The following SOX5 variants were observed in gnomAD, a reference collection of about 807,000 sequenced individuals.
SOX5 encodes transcription factor SOX-5.
In SOX5, 9 loss-of-function variants were observed where a neutral mutation model predicts 92.0. The ratio of observed to expected loss-of-function variants is 0.10; its 90% confidence interval spans 0.06 to 0.17. SOX5 has a LOEUF of 0.17. Among genes scored for constraint, SOX5 ranks in the 10% least tolerant of loss-of-function variants. The pLI, the probability that SOX5 is intolerant of heterozygous loss-of-function variation, is 1.00. For synonymous variants in SOX5, 344 were observed against 336.3 expected (o/e 1.02, Z -0.25); for missense variants, 642 against 944.5 (o/e 0.68, Z 4.20).
At chr12:23,641,675 G>T (rs189754999) in intron 7 of SOX5, among the ~76,000 whole-genome samples, 2 of 152,204 alleles carry the variant, frequency 1.3e-5, no homozygotes, top group East Asian at 3.9e-4. Context: ...AATCAAGGGG[G>T]TTCTTAATTA....
chr12:23,832,172 A>G (rs559237666), intron 3 of SOX5, among the ~76,000 whole-genome samples: 1 of 152,020 alleles, frequency 6.6e-6, no homozygotes, highest in African/African-American at 2.4e-5. Flanking sequence ...CACAAATCCA[A>G]TGTTAAAACT....
intron 4 of SOX5, among the ~76,000 whole-genome samples, chr12:24,041,975 A>C (rs541111997): frequency 7.2e-5 from 11 of 152,090 alleles, no homozygotes; most frequent in Non-Finnish European, 1.3e-4. Context: ...GCCTCTTGTA[A>C]AGCCCCAAAT....
intron 1 of SOX5, among the ~76,000 whole-genome samples, chr12:23,905,433 A>T (rs1469888209): frequency 6.6e-6 from 1 of 152,184 alleles, no homozygotes; most frequent in Non-Finnish European, 1.5e-5. Flanking sequence ...CTGTTTTATT[A>T]TGAGTAACAT....
intron 3 of SOX5, among the ~76,000 whole-genome samples, chr12:23,781,861 A>G (rs1425811917): frequency 1.3e-5 from 2 of 152,140 alleles, no homozygotes; most frequent in African/African-American, 2.4e-5. Context: ...TACAGAAACT[A>G]CTTTTATTTA....
intron 1 of SOX5, among the ~76,000 whole-genome samples, chr12:23,902,182 T>C (rs570801199): frequency 6.6e-6 from 1 of 152,304 alleles, no homozygotes; most frequent in African/African-American, 2.4e-5. Context: ...GAAATGTTCT[T>C]TGGTACAATT....
At chr12:23,723,157 T>C (rs777855973) in intron 6 of SOX5, among the ~76,000 whole-genome samples, 12 of 152,196 alleles carry the variant, frequency 7.9e-5, no homozygotes, top group Middle Eastern at 6.8e-3. Flanking sequence ...ACTAACAATC[T>C]GGGAAACCTT....
Position 23,718,587 on chromosome 12 carries a change from A to G in SOX5, c.810+16097T>C, listed in dbSNP as rs112447845. On this transcript the variant is annotated intron_variant, in intron 6 of 14. Transcript: ENST00000451604. ...ATCTTTACCTCTAAAAATGCAGATG[A>G]TTTTGATTTTTCTAAAGCCCCTTTG... Among the ~76,000 whole-genome samples, 54 of 152,306 alleles carry G rather than the reference A, an allele frequency of 3.5e-4. 1 individual carries two copies. Among genetic ancestry groups the G allele is most frequent in the African/African-American group, 1.3e-3 (54 of 41,578 alleles).
At chr12:24,385,723 A>G (rs1247364298) in intron 1 of SOX5, among the ~76,000 whole-genome samples, 1 of 151,952 alleles carries the variant, frequency 6.6e-6, no homozygotes, top group Non-Finnish European at 1.5e-5. Flanking sequence ...AGATCACTTG[A>G]GCTCAGGAGT....
At chr12:24,298,544 T>C (rs991499732) in intron 2 of SOX5, among the ~76,000 whole-genome samples, 3 of 152,198 alleles carry the variant, frequency 2.0e-5, no homozygotes, top group Non-Finnish European at 4.4e-5. Context: ...GTATTAGTTA[T>C]GTAGAAATGT....
intron 3 of SOX5, among the ~76,000 whole-genome samples, chr12:23,821,450 T>C (rs2096114812): frequency 6.6e-6 from 1 of 152,188 alleles, no homozygotes; most frequent in Non-Finnish European, 1.5e-5. Context: ...GGCCAACACT[T>C]CCAACACTAT....
At chr12:23,601,583 T>C (rs2137433491) in intron 9 of SOX5, among the ~76,000 whole-genome samples, 1 of 152,270 alleles carries the variant, frequency 6.6e-6, no homozygotes. Flanking sequence ...CCCCAAGACA[T>C]TCATAATCGA....
chr12:24,274,140 G>A (rs966459836), intron 3 of SOX5, among the ~76,000 whole-genome samples: 2 of 152,056 alleles, frequency 1.3e-5, no homozygotes, highest in African/African-American at 2.4e-5. Context: ...ATAAGGTCAT[G>A]TTTCTTAATT....
chr12:23,569,941 G>A (rs1947850859), intron 10 of SOX5, among the ~76,000 whole-genome samples: 1 of 152,078 alleles, frequency 6.6e-6, no homozygotes, highest in Admixed American at 6.5e-5. Context: ...TATTCCTTTG[G>A]CCCAGGGCAG....
chr12:24,351,585 G>A (rs540007501), intron 2 of SOX5, among the ~76,000 whole-genome samples: 1 of 152,276 alleles, frequency 6.6e-6, no homozygotes, highest in South Asian at 2.1e-4. Flanking sequence ...TATACTTAAA[G>A]TATCATTTTT....
At chr12:24,515,207 TC>T (rs1949673614) in intron 1 of SOX5, among the ~76,000 whole-genome samples, 1 of 152,198 alleles carries the variant, frequency 6.6e-6, no homozygotes, top group African/African-American at 2.4e-5. Flanking sequence ...TGGGTTCAAA[TC>T]TTGGACCTGG....
At chr12:24,451,355 T>C (rs1942275702) in intron 1 of SOX5, among the ~76,000 whole-genome samples, 1 of 152,246 alleles carries the variant, frequency 6.6e-6, no homozygotes, top group East Asian at 1.9e-4. Context: ...CAATGTGTAG[T>C]TTTTTGAGAA....
intron 3 of SOX5, among the ~76,000 whole-genome samples, chr12:24,232,397 T>TGGC (rs2139954828): frequency 6.6e-6 from 1 of 152,296 alleles, no homozygotes; most frequent in East Asian, 1.9e-4. Context: ...GCCACACTTA[T>TGGC]GGCTGTAAAG....
intron 1 of SOX5, among the ~76,000 whole-genome samples, chr12:24,546,427 TC>T (rs760886493): frequency 3.0e-4 from 46 of 152,308 alleles, no homozygotes; most frequent in Non-Finnish European, 4.0e-4. Flanking sequence ...AATAAAAAGA[TC>T]ACCTTGATCT....
At chr12:24,210,240 T>C (rs1027812027) in intron 4 of SOX5, among the ~76,000 whole-genome samples, 3 of 152,128 alleles carry the variant, frequency 2.0e-5, no homozygotes, top group Non-Finnish European at 4.4e-5. Flanking sequence ...CTAATATGTG[T>C]ACAATGGCTT....
Sources: gnomAD v4.1 joint callset for allele counts (sites outside exome capture counted in the v4.1 genomes callset) on GRCh38, gnomAD v4.1.1 for gene constraint, MANE v1.5 for transcripts, NCBI Gene and HGNC (gene_info 2026-07-23, HGNC 2026-07-21) for gene names.